The following ADAM23 variants were observed in gnomAD, a reference collection of about 807,000 sequenced individuals.
ADAM23 encodes ADAM metallopeptidase domain 23.
ADAM23 carries 33 observed loss-of-function variants against 120.1 expected under a neutral mutation model. That is an observed-to-expected ratio of 0.27 (90% CI 0.21 to 0.37). The LOEUF is 0.37. Ranked by LOEUF, ADAM23 falls within the 10% of genes least tolerant of loss-of-function variation. The pLI is 1.00. For synonymous variants in ADAM23, 367 were observed against 375.2 expected (o/e 0.98, Z 0.25); for missense variants, 862 against 1,058.2 (o/e 0.81, Z 2.57).
At chr2:206,517,908 T>C (rs1266341553) in intron 3 of ADAM23, among the ~76,000 whole-genome samples, 1 of 152,220 alleles carries the variant, frequency 6.6e-6, no homozygotes, top group Non-Finnish European at 1.5e-5. Context: ...AAATAGTCCC[T>C]CTGAAAGACC....
intron 25 of ADAM23, among the ~76,000 whole-genome samples, chr2:206,611,375 C>T (rs1184916218): frequency 3.9e-5 from 6 of 152,118 alleles, no homozygotes; most frequent in African/African-American, 7.2e-5. Flanking sequence ...TAGTGAGTCA[C>T]GCATGTGGCA....
intron 4 of ADAM23, among the ~76,000 whole-genome samples, chr2:206,532,964 A>G (rs1344882775): frequency 6.6e-6 from 1 of 152,008 alleles, no homozygotes; most frequent in African/African-American, 2.4e-5. Flanking sequence ...CTCTTCATAT[A>G]TATTAACAAT....
intron 25 of ADAM23, among the ~76,000 whole-genome samples, chr2:206,615,435 G>T (rs922457436): frequency 6.6e-6 from 1 of 152,206 alleles, no homozygotes; most frequent in Non-Finnish European, 1.5e-5. Flanking sequence ...TGAACTGAAA[G>T]AATATTTTTT....
intron 8 of ADAM23, among the ~76,000 whole-genome samples, 180 bp downstream of exon 8, chr2:206,548,534 CTCTT>C (rs546002106): frequency 8.5e-4 from 130 of 152,302 alleles, no homozygotes; most frequent in African/African-American, 3.0e-3. Context: ...TTTTATTGAT[CTCTT>C]TCTGTTAGTG....
intron 25 of ADAM23, among the ~76,000 whole-genome samples, chr2:206,611,835 G>A (rs1318228747): frequency 6.6e-6 from 1 of 151,902 alleles, no homozygotes; most frequent in Non-Finnish European, 1.5e-5. Context: ...CTTTATATCT[G>A]AGAGAGAGAG....
chr2:206,618,351 G>C lies in ADAM23; in HGVS notation c.*724G>C, dbSNP rs1698975905. On this transcript the variant is annotated 3_prime_UTR_variant, in exon 26 of 26. Coordinates refer to ENST00000264377, the MANE Select transcript of ADAM23 (RefSeq NM_003812.4). ...CTCTTGTTGATTCACTTTCCCCATTGTGTTTTCTCCTGGACTGAGCATCCT... is the reference window on the plus strand; with the variant it reads ...CTCTTGTTGATTCACTTTCCCCATTCTGTTTTCTCCTGGACTGAGCATCCT... 1 of 152,062 alleles carries C rather than the reference G, an allele frequency of 6.6e-6. No individual in the cohort carries two copies. Among genetic ancestry groups the C allele is most frequent in the South Asian group, 2.1e-4 (1 of 4,818 alleles). 9.4% of individuals were successfully genotyped at this position (152,062 alleles called of 1,614,324 possible).
intron 24 of ADAM23, among the ~76,000 whole-genome samples, chr2:206,602,397 G>C (rs896238790): frequency 3.3e-5 from 5 of 152,062 alleles, no homozygotes; most frequent in Non-Finnish European, 7.4e-5. Context: ...AAGGAGATCT[G>C]ATTGTATGTA....
At chr2:206,577,138 T>G (rs1360738338) in intron 18 of ADAM23, among the ~76,000 whole-genome samples, 1 of 152,174 alleles carries the variant, frequency 6.6e-6, no homozygotes, top group East Asian at 1.9e-4. Flanking sequence ...CATTCCCTAA[T>G]TTCCCTCGTT....
At chr2:206,585,762 A>G (rs1030457701) in intron 18 of ADAM23, among the ~76,000 whole-genome samples, 2 of 152,192 alleles carry the variant, frequency 1.3e-5, no homozygotes, top group African/African-American at 2.4e-5. Flanking sequence ...TGGGGCAACA[A>G]TGAACAAACA....
chr2:206,561,015 C>CT, intron 11 of ADAM23, 113 bp from the exon 12 acceptor site: 1 of 772,836 alleles, frequency 1.3e-6, no homozygotes, highest in Non-Finnish European at 2.2e-6. Flanking sequence ...TTTTTGATTT[C>CT]TTGGAGGAGG....
chr2:206,607,545 G>T (rs1698751127), intron 24 of ADAM23, among the ~76,000 whole-genome samples: 1 of 152,068 alleles, frequency 6.6e-6, no homozygotes, highest in African/African-American at 2.4e-5. Context: ...AATCAAAGAG[G>T]CCTTTCTTGT....
At chr2:206,509,274 T>C (rs1341127326) in intron 3 of ADAM23, among the ~76,000 whole-genome samples, 2 of 152,218 alleles carry the variant, frequency 1.3e-5, no homozygotes, top group African/African-American at 2.4e-5. Flanking sequence ...TAACCATTAT[T>C]AATATTGTTA....
chr2:206,606,183 C>CT lies in ADAM23; in HGVS notation c.2360-3719dup, dbSNP rs578077675. ...TGTAGAAGTAATTTTAAAATACAGA[C>CT]TTTTTTTTAAACCATTTATTGGCAA... On this transcript the variant is annotated intron_variant, in intron 24 of 25. Coordinates refer to ENST00000264377, the MANE Select transcript of ADAM23 (RefSeq NM_003812.4). 3.5e-4 allele frequency among the ~76,000 whole-genome samples: 54 copies of CT among 152,136 alleles called. No homozygotes were observed. In the South Asian group the frequency reaches 0.011, roughly 30 times the overall value.
chr2:206,487,276 A>G (rs1009252902), intron 3 of ADAM23, among the ~76,000 whole-genome samples: 2 of 152,198 alleles, frequency 1.3e-5, no homozygotes, highest in African/African-American at 2.4e-5. Flanking sequence ...AGCTCAGGTC[A>G]TAAGAAATGC....
At chr2:206,591,262 C>T (rs895694507) in intron 21 of ADAM23, among the ~76,000 whole-genome samples, 3 of 152,104 alleles carry the variant, frequency 2.0e-5, no homozygotes, top group Admixed American at 2.0e-4. Context: ...TCCCATGTCA[C>T]TCCTACATGG....
chr2:206,481,343 G>T, intron 3 of ADAM23, 35 bp downstream of exon 3: 1 of 1,478,576 alleles, frequency 6.8e-7, no homozygotes, highest in South Asian at 1.3e-5. Flanking sequence ...TAAGAAGCAG[G>T]TGCAATAAAG....
chr2:206,557,652 G>A (rs1441691114), intron 10 of ADAM23, among the ~76,000 whole-genome samples, 154 bp downstream of exon 10: 1 of 152,202 alleles, frequency 6.6e-6, no homozygotes, highest in Non-Finnish European at 1.5e-5. Flanking sequence ...GCTTCACAGA[G>A]TAGTGCTCTG....
chr2:206,619,306 C>T lies in ADAM23; in HGVS notation c.*1679C>T, dbSNP rs907357783. 6.6e-6 allele frequency: 1 copy of T among 152,182 alleles called. No homozygotes were observed. The highest frequency in any genetic ancestry group is 1.5e-5 in the Non-Finnish European group (1 of 68,034). 9.4% of individuals were successfully genotyped at this position (152,182 alleles called of 1,614,324 possible). A position where few individuals can be genotyped will look rare whatever the true frequency, so the allele number is the denominator to read the frequency against. ...GATGTAATCTGGGCTTTCCAAGTCC[C>T]TCTGAGTTTCCTTCACTTTTACTGA... On this transcript the variant is annotated 3_prime_UTR_variant, in exon 26 of 26. Transcript: ENST00000264377.
intron 6 of ADAM23, among the ~76,000 whole-genome samples, chr2:206,546,774 C>T (rs916329196): frequency 6.6e-6 from 1 of 152,090 alleles, no homozygotes; most frequent in Non-Finnish European, 1.5e-5. Flanking sequence ...TATATGGCGT[C>T]TTTGTCAGGA....
Sources: allele counts gnomAD v4.1 joint callset (sites outside exome capture counted in the v4.1 genomes callset), GRCh38; gene constraint gnomAD v4.1.1; transcripts MANE v1.5; gene names NCBI Gene and HGNC (gene_info 2026-07-23, HGNC 2026-07-21).